TMEM114: variants seen among roughly 807,000 people sequenced by gnomAD.
TMEM114 encodes transmembrane protein 114, also known as claudin-26.
A neutral mutation model predicts 6.2 loss-of-function variants in TMEM114; 6 were observed. The ratio of observed to expected loss-of-function variants is 0.97; its 90% CI spans 0.53 to 1.91. TMEM114 has a LOEUF of 1.91. TMEM114 is among the 40% of genes most tolerant of loss of function. The pLI, the probability that TMEM114 is intolerant of heterozygous loss-of-function variation, is 0.01. For synonymous variants in TMEM114, 104 were observed against 73.0 expected, an observed-to-expected ratio of 1.42 and a Z score of -2.16; for missense variants, 218 against 158.3, an observed-to-expected ratio of 1.38 and a Z score of -2.02.
intron 3 of TMEM114, among the ~76,000 whole-genome samples, chr16:8,571,684 G>T (rs192065354): frequency 1.4e-5 from 2 of 146,190 alleles, no homozygotes; most frequent in African/African-American, 5.0e-5. Flanking sequence ...GTCTTTCTGT[G>T]CCTGGTCATG....
chr16:8,538,878 C>T (rs1900439028), intron 2 of TMEM114, among the ~76,000 whole-genome samples: 1 of 152,116 alleles, frequency 6.6e-6, no homozygotes, highest in African/African-American at 2.4e-5. Context: ...AATTTGAATA[C>T]AGTAGATAAA....
chr16:8,586,734 T>C (rs796641837), intron 2 of TMEM114, among the ~76,000 whole-genome samples: 13 of 152,292 alleles, frequency 8.5e-5, no homozygotes, highest in African/African-American at 3.1e-4. Context: ...GGTCTCAAAC[T>C]CCTGACCTCA....
chr16:8,569,541 G>C lies in TMEM114; in HGVS notation c.*232C>G. On this transcript the variant is annotated 3_prime_UTR_variant, in exon 4 of 4. Coordinates refer to ENST00000620492, the MANE Select transcript of TMEM114 (RefSeq NM_001146336.2). ...TTTTTATTTCTCGCGAAGCGGTTTG[G>C]CACTCCCTCGGGCTCCTCCAGGCCA... The C allele has an allele frequency of 1.4e-6, 2 of 1,400,432 alleles. No individual in the cohort carries two copies. Among genetic ancestry groups the C allele is most frequent in the East Asian group, 5.2e-5 (2 of 38,764 alleles). 86.8% of individuals were successfully genotyped at this position (1,400,432 alleles called of 1,614,324 possible).
intron 2 of TMEM114, among the ~76,000 whole-genome samples, chr16:8,559,959 T>C (rs1901144742): frequency 1.3e-5 from 2 of 152,130 alleles, no homozygotes; most frequent in African/African-American, 4.8e-5. Context: ...GACCGGGCTT[T>C]GCGTCTCTGT....
rs548607801 is a variant in TMEM114 at position 8,548,865 on chromosome 16, G to C, written n.213-11039C>G. Among the ~76,000 whole-genome samples, 109 of 152,254 alleles carry C rather than the reference G, an allele frequency of 7.2e-4. 2 individuals are homozygous for C. The highest frequency in any genetic ancestry group is 2.3e-3 in the African/African-American group (95 of 41,546). The stretch of plus-strand genomic sequence containing the variant: ...TTTAATAAAGGGAGTGAGAGAGAGA[G>C]ATCCAGTTGTTGCCTGGGTTAAGAA... On this transcript the variant is annotated intron_variant and non_coding_transcript_variant, in intron 2 of 2. Transcript: ENST00000623677.
At chr16:8,548,766 G>C (rs764967400) in intron 2 of TMEM114, among the ~76,000 whole-genome samples, 2 of 150,334 alleles carry the variant, frequency 1.3e-5, no homozygotes, top group African/African-American at 2.5e-5. Context: ...TGACAGAAAT[G>C]ACCATGTGAA....
rs564527639 is a variant in TMEM114, at chr16:8,553,188, G to T, written n.213-15362C>A. Among the ~76,000 whole-genome samples, 52 of 152,302 alleles carry T rather than the reference G, an allele frequency of 3.4e-4. 2 individuals carry two copies. Among genetic ancestry groups the T allele is most frequent in the Admixed American group, 3.0e-3 (46 of 15,294 alleles). On this transcript the variant is annotated intron_variant and non_coding_transcript_variant, in intron 2 of 2. Coordinates refer to the TMEM114 transcript ENST00000623677. Reference sequence around the variant, plus strand: ...CTCTGGTCTGAGAAACACTCAGCTGGCCCTGGGGCATCAGCTCAGTGCCCC... The same window carrying T: ...CTCTGGTCTGAGAAACACTCAGCTGTCCCTGGGGCATCAGCTCAGTGCCCC...
intron 2 of TMEM114, among the ~76,000 whole-genome samples, chr16:8,581,693 A>G (rs905299765): frequency 6.6e-6 from 1 of 152,266 alleles, no homozygotes; most frequent in African/African-American, 2.4e-5. Context: ...ACCTCAAGTG[A>G]TCCGCCCACC....
downstream of TMEM114, among the ~76,000 whole-genome samples, chr16:8,533,323 G>C (rs553996925): frequency 6.6e-6 from 1 of 152,330 alleles, no homozygotes; most frequent in South Asian, 2.1e-4. Context: ...GCCGTGGGAA[G>C]ATCCCAAGGC....
At chr16:8,547,675 G>A (rs908059178) in intron 2 of TMEM114, among the ~76,000 whole-genome samples, 6 of 152,278 alleles carry the variant, frequency 3.9e-5, no homozygotes, top group Non-Finnish European at 7.4e-5. Flanking sequence ...ACAGGCATGA[G>A]CCACCGCACC....
chr16:8,554,233 A>G (rs76773431), intron 2 of TMEM114, among the ~76,000 whole-genome samples: 1,737 of 148,846 alleles, frequency 0.012, 34 homozygotes, highest in African/African-American at 0.042. Context: ...GGGCCCTGCA[A>G]ACAGATGAGG....
chr16:8,557,736 G>C (rs890636488), intron 2 of TMEM114, among the ~76,000 whole-genome samples: 3 of 152,186 alleles, frequency 2.0e-5, no homozygotes, highest in South Asian at 2.1e-4. Context: ...TTTTGGGAAA[G>C]ATAATAACAG....
intron 2 of TMEM114, among the ~76,000 whole-genome samples, chr16:8,588,894 G>A (rs1426618845): frequency 1.3e-5 from 2 of 152,310 alleles, no homozygotes; most frequent in East Asian, 3.9e-4. Flanking sequence ...GACTCTAACT[G>A]CGCGTCTCCA....
rs59194084 is a variant in TMEM114 at position 8,538,133 on chromosome 16, C to CAAAAAAAAAAA, written n.213-318_213-308dup. Among the ~76,000 whole-genome samples, 3 of 76,336 alleles carry CAAAAAAAAAAA rather than the reference C, an allele frequency of 3.9e-5. 1 individual carries two copies. Among genetic ancestry groups the CAAAAAAAAAAA allele is most frequent in the Admixed American group, 1.9e-4 (1 of 5,312 alleles). The allele number at this position is 76,336 out of a possible 152,430, so 50.1% of individuals were successfully genotyped here. A position where few individuals can be genotyped will look rare whatever the true frequency, so the allele number is the denominator to read the frequency against. On this transcript the variant is annotated intron_variant and non_coding_transcript_variant, in intron 2 of 2. Transcript: ENST00000623677. The stretch of plus-strand genomic sequence containing the variant: ...GGACAGCATGGTGTGACTGTCTCTA[C>CAAAAAAAAAAA]AAAAAAAAAAAAAAAAAAAAACTTC...
chr16:8,533,814 C>G (rs1900282601), downstream of TMEM114, among the ~76,000 whole-genome samples: 2 of 152,186 alleles, frequency 1.3e-5, 1 homozygote, highest in African/African-American at 4.8e-5. Context: ...ACTTTGGTCT[C>G]AGATGGGTTT....
At chr16:8,539,211 CTG>C (rs1900449020) in intron 2 of TMEM114, among the ~76,000 whole-genome samples, 2 of 152,084 alleles carry the variant, frequency 1.3e-5, no homozygotes, top group African/African-American at 4.8e-5. Flanking sequence ...TTGAGGATCC[CTG>C]GGCCAACTGC....
intron 2 of TMEM114, among the ~76,000 whole-genome samples, chr16:8,583,945 T>A (rs963757529): frequency 6.6e-6 from 1 of 152,182 alleles, no homozygotes. Flanking sequence ...AGTGGGCACA[T>A]GACTCAGCCC....
chr16:8,563,591 G>GAGTA (rs1271690550), intron 2 of TMEM114, among the ~76,000 whole-genome samples: 1 of 151,326 alleles, frequency 6.6e-6, no homozygotes, highest in African/African-American at 2.5e-5. Flanking sequence ...GTGAGTGAAT[G>GAGTA]AGTGTGTGAA....
chr16:8,563,701 GT>G (rs1337454940), intron 2 of TMEM114, among the ~76,000 whole-genome samples: 7 of 148,744 alleles, frequency 4.7e-5, no homozygotes, highest in African/African-American at 1.8e-4. Flanking sequence ...GAGTGAGTTA[GT>G]GAATGAGTGA....
Sources: gnomAD v4.1 joint callset for allele counts (sites outside exome capture counted in the v4.1 genomes callset) on GRCh38, gnomAD v4.1.1 for gene constraint, MANE v1.5 for transcripts, NCBI Gene and HGNC (gene_info 2026-07-23, HGNC 2026-07-21) for gene names.